Variants in CDK8 observed in about 807,000 individuals in gnomAD.
CDK8 encodes cyclin dependent kinase 8.
A neutral mutation model predicts 71.5 loss-of-function variants in CDK8; 29 were observed. That is an observed-to-expected ratio of 0.41 (90% CI 0.30 to 0.55). The LOEUF is 0.55. CDK8 is among the 20% of genes least tolerant of loss of function. The probability of loss-of-function intolerance (pLI) is 0.37; values close to 1 mark genes in which losing one functional copy is unlikely to be tolerated. For synonymous variants in CDK8, 161 were observed against 192.1 expected (o/e 0.84, Z 1.34); for missense variants, 288 against 572.6 (o/e 0.50, Z 5.07).
intron 3 of CDK8, among the ~76,000 whole-genome samples, chr13:26,352,188 G>A (rs1365702127): frequency 6.6e-6 from 1 of 151,176 alleles, no homozygotes; most frequent in African/African-American, 2.4e-5. Flanking sequence ...TAAGCTTGGA[G>A]AGAGCCAAAG....
chr13:26,254,847 C>A lies in CDK8; in HGVS notation c.128+78C>A. On this transcript the variant is annotated intron_variant, in intron 1 of 12. Coordinates refer to ENST00000381527, the MANE Select transcript of CDK8 (RefSeq NM_001260.3). This position sits in a 1 kb window ranked among gnomAD's most constrained non-coding sequence, Gnocchi z 6.7. Reference sequence around the variant, plus strand: ...CGAGGCAGGTAGCCCGGAGGGAGAGCGGGCCGCCGGGGTGCCGGGCTCTGA... The same window carrying A: ...CGAGGCAGGTAGCCCGGAGGGAGAGAGGGCCGCCGGGGTGCCGGGCTCTGA... 1 of 1,551,632 alleles carries A rather than the reference C, an allele frequency of 6.4e-7. No individual in the cohort carries two copies. Among genetic ancestry groups the A allele is most frequent in the Non-Finnish European group, 8.7e-7 (1 of 1,145,250 alleles).
chr13:26,358,534 G>A (rs900903114), intron 4 of CDK8, among the ~76,000 whole-genome samples: 3 of 152,142 alleles, frequency 2.0e-5, no homozygotes, highest in East Asian at 3.9e-4. Flanking sequence ...TTCTAACACC[G>A]TTGTCAGGAA....
chr13:26,340,870 G>A (rs1873211479), intron 2 of CDK8, among the ~76,000 whole-genome samples: 1 of 152,066 alleles, frequency 6.6e-6, no homozygotes, highest in African/African-American at 2.4e-5. Flanking sequence ...AGGGAGGGAG[G>A]GAGGAAGGAA....
chr13:26,401,460 A>G lies in CDK8; in HGVS notation c.1111-6A>G. 6.2e-7 allele frequency: 1 copy of G among 1,614,108 alleles called. No individual in the cohort carries two copies. The highest frequency in any genetic ancestry group is 8.5e-7 in the Non-Finnish European group (1 of 1,180,008). ...GAGCTGAACTTTTTCTGTTTAACCAATTGAGAAGAACCAGCAGCAGCAGCA... is the reference window on the plus strand; with the variant it reads ...GAGCTGAACTTTTTCTGTTTAACCAGTTGAGAAGAACCAGCAGCAGCAGCA... On this transcript the variant is annotated splice_region_variant and splice_polypyrimidine_tract_variant and intron_variant, in intron 11 of 12. Transcript: ENST00000381527. The surrounding 1 kb of genome is among the most constrained non-coding windows in gnomAD (Gnocchi z 4.5).
intron 1 of CDK8, among the ~76,000 whole-genome samples, chr13:26,268,812 C>G (rs1872163561): frequency 6.6e-6 from 1 of 152,116 alleles, no homozygotes; most frequent in Non-Finnish European, 1.5e-5. Context: ...TCTTGGTATT[C>G]TACCTCCATG....
In CDK8 at chr13:26,393,287, A is replaced by C. The variant is rs1261555501; in HGVS notation, c.647-80A>C. 5.5e-6 allele frequency: 5 copies of C among 905,516 alleles called. No homozygotes were observed. In the African/African-American group the frequency reaches 6.9e-5, roughly 13 times the overall value. 56.1% of individuals were successfully genotyped at this position (905,516 alleles called of 1,614,324 possible). A position where few individuals can be genotyped will look rare whatever the true frequency, so the allele number is the denominator to read the frequency against. On this transcript the variant is annotated intron_variant, in intron 6 of 12. Transcript: ENST00000381527. ...TAAAATTGCATTTTCTTTTGGAAAG[A>C]ACCACTTTATTTTGCACCTTTCTTT... is the stretch of plus-strand genomic sequence containing the variant.
chr13:26,355,578 C>T lies in CDK8; in HGVS notation c.456+1698C>T, dbSNP rs568389890. ...GCAGTGAGCCAAGATCGCGCCACTT[C>T]ACTCCAGCCTGGGCGACAGAGCGAA... On this transcript the variant is annotated intron_variant, in intron 4 of 12. Transcript: ENST00000381527. 7.2e-5 allele frequency among the ~76,000 whole-genome samples: 11 copies of T among 152,252 alleles called. No individual in the cohort carries two copies. In the East Asian group the frequency reaches 9.6e-4, roughly 13 times the overall value.
intron 4 of CDK8, among the ~76,000 whole-genome samples, chr13:26,382,487 G>A (rs558408740): frequency 1.3e-5 from 2 of 152,148 alleles, no homozygotes; most frequent in African/African-American, 2.4e-5. Context: ...GTCAGAGCAA[G>A]ACATTTTATG....
intron 4 of CDK8, among the ~76,000 whole-genome samples, chr13:26,378,190 A>G (rs1320552696): frequency 2.0e-5 from 3 of 152,156 alleles, no homozygotes; most frequent in Non-Finnish European, 2.9e-5. Context: ...TAAATGCTGC[A>G]TTTTCTTCAT....
intron 1 of CDK8, among the ~76,000 whole-genome samples, chr13:26,283,762 G>A (rs1325833316): frequency 6.6e-6 from 1 of 152,098 alleles, no homozygotes; most frequent in Non-Finnish European, 1.5e-5. Context: ...GCCAGCCGTG[G>A]TGGCGTGCGC....
intron 4 of CDK8, among the ~76,000 whole-genome samples, chr13:26,362,785 A>T (rs1298382089): frequency 6.6e-6 from 1 of 152,188 alleles, no homozygotes; most frequent in Non-Finnish European, 1.5e-5. Flanking sequence ...ATCAACCGTC[A>T]CAGTCTATAT....
chr13:26,279,373 T>C (rs1593235012), intron 1 of CDK8, among the ~76,000 whole-genome samples: 4 of 152,248 alleles, frequency 2.6e-5, no homozygotes, highest in Admixed American at 2.6e-4. Flanking sequence ...ATTGAGAGTC[T>C]GGCAATCATC....
intron 6 of CDK8, among the ~76,000 whole-genome samples, chr13:26,391,209 A>G (rs748789714): frequency 2.6e-5 from 4 of 152,020 alleles, no homozygotes; most frequent in Non-Finnish European, 5.9e-5. Flanking sequence ...GAGGGAGTTA[A>G]GCAAGGTTCA....
At chr13:26,304,309 T>C (rs1873944562) in intron 1 of CDK8, among the ~76,000 whole-genome samples, 1 of 152,126 alleles carries the variant, frequency 6.6e-6, no homozygotes, top group African/African-American at 2.4e-5. Flanking sequence ...TCATCTCTTT[T>C]ATGCAATATG....
chr13:26,344,087 A>T (rs1404215336), intron 2 of CDK8, among the ~76,000 whole-genome samples: 1 of 151,902 alleles, frequency 6.6e-6, no homozygotes, highest in Admixed American at 6.6e-5. Context: ...TATTGTTGCT[A>T]TCTTTATGTC....
intron 6 of CDK8, among the ~76,000 whole-genome samples, chr13:26,389,540 G>A (rs886666957): frequency 4.6e-5 from 7 of 152,074 alleles, no homozygotes; most frequent in African/African-American, 1.7e-4. Flanking sequence ...GGGTGCAAAG[G>A]ATTGAAACCA....
At chr13:26,324,342 G>T (rs1286275735) in intron 1 of CDK8, among the ~76,000 whole-genome samples, 1 of 152,074 alleles carries the variant, frequency 6.6e-6, no homozygotes, top group South Asian at 2.1e-4. Context: ...TGTTGACGGG[G>T]TAGAAAGTAG....
At chr13:26,258,160 A>G (rs1871611758) in intron 1 of CDK8, among the ~76,000 whole-genome samples, 1 of 152,196 alleles carries the variant, frequency 6.6e-6, no homozygotes, top group Non-Finnish European at 1.5e-5. Flanking sequence ...AGGTTAAGCA[A>G]ATTTACCCAT....
At chr13:26,385,086 G>A in intron 5 of CDK8, 125 bp from the exon 6 acceptor site, 1 of 722,652 alleles carries the variant, frequency 1.4e-6, no homozygotes, top group Non-Finnish European at 2.2e-6. Context: ...TGGATGTTTT[G>A]TGGGTTTCTT....
Sources: allele counts gnomAD v4.1 joint callset (sites outside exome capture counted in the v4.1 genomes callset), GRCh38; gene constraint gnomAD v4.1.1; non-coding constraint Gnocchi (gnomAD v3.1); transcripts MANE v1.5; gene names NCBI Gene and HGNC (gene_info 2026-07-23, HGNC 2026-07-21).